Variants in SLC13A1 observed in about 807,000 individuals in gnomAD.
The protein encoded by SLC13A1 is solute carrier family 13 member 1.
In SLC13A1, 65 loss-of-function variants were observed where a neutral mutation model predicts 70.0. The observed-to-expected ratio is 0.93, with a 90% confidence interval of 0.76 to 1.14. SLC13A1 has a LOEUF of 1.14. Among genes scored for constraint, SLC13A1 ranks in the 50% most tolerant of loss-of-function variants. SLC13A1 has a pLI of 0.00. For synonymous variants in SLC13A1, 275 were observed against 250.5 expected, an observed-to-expected ratio of 1.10 and a Z score of -0.92; for missense variants, 726 against 717.8, an observed-to-expected ratio of 1.01 and a Z score of -0.13.
chr7:123,147,411 C>T (rs1255488819), intron 6 of SLC13A1, 101 bp from the exon 7 acceptor site: 2 of 1,336,076 alleles, frequency 1.5e-6, no homozygotes, highest in East Asian at 4.9e-5. Flanking sequence ...ATGTTGAAAC[C>T]CTAACTCCTG....
At chr7:123,157,718 T>A (rs1189586437) in intron 6 of SLC13A1, among the ~76,000 whole-genome samples, 3 of 152,152 alleles carry the variant, frequency 2.0e-5, no homozygotes, top group Non-Finnish European at 4.4e-5. Flanking sequence ...AATGAGATGC[T>A]ATTTAAAATA....
intron 12 of SLC13A1, 60 bp from the exon 13 acceptor site, chr7:123,119,302 T>C: frequency 9.1e-7 from 1 of 1,097,532 alleles, no homozygotes; most frequent in Non-Finnish European, 1.3e-6. Context: ...TCAGACACAA[T>C]AAAATCCATA....
intron 12 of SLC13A1, among the ~76,000 whole-genome samples, chr7:123,121,410 A>G (rs1793378515): frequency 6.6e-6 from 1 of 151,850 alleles, no homozygotes; most frequent in Non-Finnish European, 1.5e-5. Context: ...CTATTTTTCT[A>G]TTTGTACAAA....
intron 3 of SLC13A1, among the ~76,000 whole-genome samples, chr7:123,170,682 G>A (rs530916931): frequency 1.3e-5 from 2 of 152,122 alleles, no homozygotes; most frequent in African/African-American, 2.4e-5. Context: ...AGGCTGGAGT[G>A]CAATGGCGTG....
intron 8 of SLC13A1, among the ~76,000 whole-genome samples, chr7:123,133,751 C>T (rs540401448): frequency 7.2e-5 from 11 of 151,928 alleles, no homozygotes; most frequent in Non-Finnish European, 1.2e-4. Context: ...AGGATTGTGT[C>T]GATATCCTGA....
chr7:123,168,283 C>A (rs1563343151), intron 6 of SLC13A1, 91 bp downstream of exon 6: 5 of 779,974 alleles, frequency 6.4e-6, no homozygotes, highest in Non-Finnish European at 8.4e-6. Context: ...GAAAAGGAAG[C>A]AAGTGGCAGG....
intron 6 of SLC13A1, among the ~76,000 whole-genome samples, chr7:123,163,850 A>G (rs566683432): frequency 8.9e-4 from 136 of 152,136 alleles, no homozygotes; most frequent in African/African-American, 3.2e-3. Flanking sequence ...TTTATATACA[A>G]CATGAGTTAT....
Position 123,125,591 on chromosome 7 carries a change from T to A in SLC13A1, c.1218A>T (p.Lys406Asn). 6.2e-7 allele frequency: 1 copy of A among 1,611,662 alleles called. No individual in the cohort carries two copies. The highest frequency in any genetic ancestry group is 8.5e-7 in the Non-Finnish European group (1 of 1,178,592). ...FFLIPAKTLT[K>N]TTPTGEIVAF... is the part of the protein sequence containing the mutation. ...AACCAATTTCTCCTGTAGGTGTAGTTTTAGTCAGTGTCTTAGCTGGGATAA... is the reference window on the plus strand; with the variant it reads ...AACCAATTTCTCCTGTAGGTGTAGTATTAGTCAGTGTCTTAGCTGGGATAA... The change falls in exon 11 of 15, where the codon AAA becomes AAT. Residue 406 changes from lysine (K) to asparagine (N), a missense_variant. Lys to Asn is a moderately conservative substitution (Grantham distance 94). Transcript: ENST00000194130.
chr7:123,169,852 A>G (rs376905143), intron 3 of SLC13A1, among the ~76,000 whole-genome samples: 1 of 152,184 alleles, frequency 6.6e-6, no homozygotes, highest in Admixed American at 6.5e-5. Context: ...TTACTTGTTC[A>G]CTATACTAGT....
intron 1 of SLC13A1, among the ~76,000 whole-genome samples, chr7:123,198,386 T>C (rs756948074): frequency 7.9e-5 from 12 of 151,828 alleles, no homozygotes; most frequent in African/African-American, 2.9e-4. Flanking sequence ...TGACAAGGTC[T>C]TTTAGTTATT....
chr7:123,146,801 T>C (rs2116413519), intron 7 of SLC13A1, among the ~76,000 whole-genome samples: 1 of 152,320 alleles, frequency 6.6e-6, no homozygotes, highest in East Asian at 1.9e-4. Context: ...CACATGTTGG[T>C]CCCCAAACCC....
At position 123,119,184 on chromosome 7, in the gene SLC13A1, G is replaced by A; in HGVS notation, c.1409C>T (p.Ala470Val). The change falls in exon 13 of 15, where the codon GCA (alanine) becomes GTA (valine). Residue 470 changes from alanine to valine, a missense_variant. Physicochemically the swap from Ala to Val is moderately conservative, Grantham distance 64. Coordinates refer to ENST00000194130, the MANE Select transcript of SLC13A1 (RefSeq NM_022444.4). ...AGAAGATATCAGAATTATTAGCCAT[G>A]CTGGTAATGAACCCAGAGGAGATAA... ...NKLSPLGSLP[A>V]WLIILISSLM... 2.5e-6 allele frequency: 4 copies of A among 1,612,674 alleles called. No homozygotes were observed. Among genetic ancestry groups the A allele is most frequent in the Non-Finnish European group, 3.4e-6 (4 of 1,179,118 alleles).
At position 123,134,626 on chromosome 7, in the gene SLC13A1, T is replaced by C. The variant is rs1793889889; in HGVS notation, c.813-97A>G. 3 of 1,213,390 alleles carry C rather than the reference T, an allele frequency of 2.5e-6. No homozygotes were observed. In the Admixed American group the frequency reaches 6.5e-5, roughly 26 times the overall value. 75.2% of individuals were successfully genotyped at this position (1,213,390 alleles called of 1,614,324 possible). A position where few individuals can be genotyped will look rare whatever the true frequency, so the allele number is the denominator to read the frequency against. On this transcript the variant is annotated intron_variant, in intron 7 of 14. Coordinates refer to ENST00000194130, the MANE Select transcript of SLC13A1 (RefSeq NM_022444.4). ...GCAGCAGTCCACCTCTTTCCTGTGTTTCTGTCCAAGAAGGAAGTCCTGGAA... is the reference window on the plus strand; with the variant it reads ...GCAGCAGTCCACCTCTTTCCTGTGTCTCTGTCCAAGAAGGAAGTCCTGGAA...
chr7:123,163,603 C>T (rs950049864), intron 6 of SLC13A1, among the ~76,000 whole-genome samples: 5 of 152,032 alleles, frequency 3.3e-5, no homozygotes, highest in South Asian at 2.1e-4. Flanking sequence ...GTTCTATTAA[C>T]AAGAATTTTA....
chr7:123,159,624 G>A (rs1276222387), intron 6 of SLC13A1, among the ~76,000 whole-genome samples: 2 of 151,922 alleles, frequency 1.3e-5, no homozygotes, highest in Non-Finnish European at 2.9e-5. Context: ...GAAAATGATT[G>A]GACAATTAAA....
chr7:123,157,053 A>G (rs1794736760), intron 6 of SLC13A1, among the ~76,000 whole-genome samples: 1 of 152,088 alleles, frequency 6.6e-6, no homozygotes, highest in Non-Finnish European at 1.5e-5. Context: ...GGGCCTCAGT[A>G]TCACTCTGCA....
intron 7 of SLC13A1, among the ~76,000 whole-genome samples, chr7:123,136,633 A>G (rs776101848): frequency 6.6e-6 from 1 of 152,162 alleles, no homozygotes; most frequent in Non-Finnish European, 1.5e-5. Flanking sequence ...GTGCTCTCCA[A>G]GCTACTGGGG....
At chr7:123,193,691 T>TTGATC (rs1796074753) in intron 1 of SLC13A1, among the ~76,000 whole-genome samples, 1 of 152,168 alleles carries the variant, frequency 6.6e-6, no homozygotes, top group Non-Finnish European at 1.5e-5. Context: ...CTGTGTGACT[T>TTGATC]TGATCACATT....
intron 6 of SLC13A1, among the ~76,000 whole-genome samples, chr7:123,155,730 T>C (rs1046697651): frequency 1.3e-5 from 2 of 152,088 alleles, no homozygotes; most frequent in African/African-American, 4.8e-5. Context: ...AATTCTAAGG[T>C]CAATGTTTTC....
Sources: allele counts gnomAD v4.1 joint callset (sites outside exome capture counted in the v4.1 genomes callset), GRCh38; gene constraint gnomAD v4.1.1; transcripts MANE v1.5; gene names NCBI Gene and HGNC (gene_info 2026-07-23, HGNC 2026-07-21).